The following LYN variants were observed in gnomAD, a reference collection of about 807,000 sequenced individuals.
LYN encodes the protein LYN proto-oncogene, Src family tyrosine kinase, also known as tyrosine-protein kinase Lyn.
LYN carries 12 observed loss-of-function variants against 65.0 expected under a neutral mutation model. The observed-to-expected ratio is 0.18, with a 90% CI of 0.12 to 0.30. The LOEUF (loss-of-function observed/expected upper bound fraction) is 0.30. LYN is among the 10% of genes least tolerant of loss of function. The pLI, the probability that LYN is intolerant of heterozygous loss-of-function variation, is 1.00. For missense variants in LYN, 380 were observed against 623.2 expected, an observed-to-expected ratio of 0.61 and a Z score of 4.16; for synonymous variants, 222 against 221.2, an observed-to-expected ratio of 1.00 and a Z score of -0.03.
chr8:56,008,904 AAGACAGTGACATCCACAAGATATGT>A (rs1409470892), intron 12 of LYN, among the ~76,000 whole-genome samples: 1 of 152,230 alleles, frequency 6.6e-6, no homozygotes, highest in Non-Finnish European at 1.5e-5. Flanking sequence ...TTGCTCTTAA[AAGACAGTGACATCCACAAGATATGT>A]AGCACAAACT....
chr8:55,969,661 T>C (rs994728835), intron 9 of LYN, 56 bp from the exon 10 acceptor site: 2 of 1,309,488 alleles, frequency 1.5e-6, no homozygotes, highest in African/African-American at 2.9e-5. Context: ...TGAATTTTGT[T>C]TGGATTTTTT....
At chr8:55,906,598 C>T (rs1429447325) in intron 1 of LYN, among the ~76,000 whole-genome samples, 1 of 145,820 alleles carries the variant, frequency 6.9e-6, no homozygotes, top group Non-Finnish European at 1.5e-5. Context: ...CTCAGGTAAT[C>T]CACCTGTCTC....
chr8:55,992,595 A>T (rs559220574), intron 10 of LYN, among the ~76,000 whole-genome samples: 26 of 152,254 alleles, frequency 1.7e-4, no homozygotes, highest in African/African-American at 6.0e-4. Context: ...AACCATTATG[A>T]TGGTAACAGT....
chr8:55,906,748 A>G (rs866592546), intron 1 of LYN, among the ~76,000 whole-genome samples: 1 of 150,670 alleles, frequency 6.6e-6, no homozygotes, highest in South Asian at 2.1e-4. Context: ...GAGAGAGAGG[A>G]GAGAGAGAGA....
chr8:55,983,122 T>A (rs1807974475), intron 10 of LYN, among the ~76,000 whole-genome samples: 1 of 152,142 alleles, frequency 6.6e-6, no homozygotes, highest in Non-Finnish European at 1.5e-5. Context: ...TTTCTGCATT[T>A]CCAGTTCAAG....
chr8:55,980,908 G>A (rs900424713), intron 10 of LYN, among the ~76,000 whole-genome samples: 1 of 152,182 alleles, frequency 6.6e-6, no homozygotes, highest in African/African-American at 2.4e-5. Context: ...CCAGACGGAA[G>A]CTCTTTGCCC....
At position 55,969,810 on chromosome 8, in the gene LYN, G is replaced by A. The variant is rs148017481; in HGVS notation, c.1050+17G>A. On this transcript the variant is annotated intron_variant, in intron 10 of 12. Transcript: ENST00000519728. ...TCTGCTCAGGTAACATATTCAAAAA[G>A]CCCCGTGTGCACGTGCATTTGCAAA... 1.9e-6 allele frequency: 3 copies of A among 1,611,360 alleles called. No homozygotes were observed. The East Asian group carries it at 6.7e-5, about 36-fold the overall frequency.
chr8:55,950,612 T>G (rs553155724), intron 5 of LYN, 55 bp downstream of exon 5: 11 of 1,571,488 alleles, frequency 7.0e-6, no homozygotes, highest in African/African-American at 1.4e-5. Flanking sequence ...TTGGATTTCT[T>G]GTTAATATTC....
At chr8:55,933,173 A>C (rs998285017) in intron 1 of LYN, among the ~76,000 whole-genome samples, 3 of 152,224 alleles carry the variant, frequency 2.0e-5, no homozygotes, top group African/African-American at 7.2e-5. Context: ...AAGCACCACA[A>C]CTAATACCAA....
chr8:55,880,401 G>T (rs1804619016), intron 1 of LYN, among the ~76,000 whole-genome samples: 1 of 149,324 alleles, frequency 6.7e-6, no homozygotes, highest in South Asian at 2.1e-4. Flanking sequence ...GGGCGCGGGG[G>T]CGGGCTCACC....
In LYN at chr8:55,966,842, C is replaced by T. The variant is rs55803865; in HGVS notation, c.918C>T (p.Tyr306=). 177 of 1,613,982 alleles carry T rather than the reference C, an allele frequency of 1.1e-4. No homozygotes were observed. The highest frequency in any genetic ancestry group is 1.6e-4 in the Middle Eastern group (1 of 6,084). ...TLQHDKLVRL[Y]AVVTREEPIY... ...AGCATGACAAGCTCGTGAGGCTCTA[C>T]GCTGTGGTCACCAGGGAGGAGCCCA... The change falls in exon 9 of 13, where the codon TAC becomes TAT. Residue 306 remains tyrosine (Y), a synonymous_variant. Transcript: ENST00000519728.
intron 1 of LYN, among the ~76,000 whole-genome samples, chr8:55,933,733 C>T (rs1430401777): frequency 6.6e-6 from 1 of 152,202 alleles, no homozygotes; most frequent in African/African-American, 2.4e-5. Context: ...CAGGCAGAGC[C>T]ACATTTCCCT....
intron 1 of LYN, among the ~76,000 whole-genome samples, chr8:55,896,182 G>A (rs897239161): frequency 6.6e-6 from 1 of 151,520 alleles, no homozygotes; most frequent in African/African-American, 2.4e-5. Flanking sequence ...AAGTGAGTGG[G>A]TCCCTTGAGT....
In LYN at chr8:56,008,050, C is replaced by T. The variant is rs374304320; in HGVS notation, c.1337-1858C>T. ...AGGAGAATCGCTTGAACCTGGGAGG[C>T]GGAGGTTGCAGTGAGCCAAGATCGC... On this transcript the variant is annotated intron_variant, in intron 12 of 12. Transcript: ENST00000519728. Among the ~76,000 whole-genome samples the T allele has an allele frequency of 5.3e-4, 80 of 149,680 alleles. No homozygotes were observed. The South Asian group carries it at 0.016, about 30-fold the overall frequency.
intron 1 of LYN, among the ~76,000 whole-genome samples, chr8:55,882,808 C>T (rs746433259): frequency 2.6e-5 from 4 of 152,162 alleles, no homozygotes; most frequent in Admixed American, 6.5e-5. Flanking sequence ...AGGGGGTTGT[C>T]TAAGGTCACA....
chr8:55,880,196 C>A, intron 1 of LYN, 93 bp downstream of exon 1: 1 of 165,404 alleles, frequency 6.0e-6, no homozygotes, highest in South Asian at 1.2e-4. Flanking sequence ...GTCCCGGGCG[C>A]AGGGTAGACT....
intron 10 of LYN, among the ~76,000 whole-genome samples, chr8:55,993,206 GA>G (rs965212541): frequency 1.3e-5 from 2 of 151,778 alleles, no homozygotes; most frequent in African/African-American, 4.8e-5. Context: ...GAATAATAAT[GA>G]AAAAAAAGTT....
chr8:55,959,543 CAGAGG>C (rs1157313634), intron 8 of LYN, among the ~76,000 whole-genome samples: 2 of 151,872 alleles, frequency 1.3e-5, no homozygotes, highest in Admixed American at 1.3e-4. Context: ...GGCTATACAG[CAGAGG>C]AAAGAAATTG....
intron 1 of LYN, among the ~76,000 whole-genome samples, chr8:55,907,451 G>A (rs1040855432): frequency 4.6e-5 from 7 of 152,232 alleles, no homozygotes; most frequent in Admixed American, 3.3e-4. Flanking sequence ...GGCCTGTGAG[G>A]TGTCAAGGAA....
Sources: gnomAD v4.1 joint callset for allele counts (sites outside exome capture counted in the v4.1 genomes callset) on GRCh38, gnomAD v4.1.1 for gene constraint, MANE v1.5 for transcripts, NCBI Gene and HGNC (gene_info 2026-07-23, HGNC 2026-07-21) for gene names.